NR2F2: variants seen among roughly 807,000 people sequenced by gnomAD.
NR2F2 encodes the protein nuclear receptor subfamily 2 group F member 2.
In NR2F2, 2 loss-of-function variants were observed where a neutral mutation model predicts 34.8. The ratio of observed to expected loss-of-function variants is 0.06; its 90% CI spans 0.02 to 0.18. The LOEUF (loss-of-function observed/expected upper bound fraction) is 0.18, where lower values mean the gene tolerates loss of function less well. NR2F2 is among the 10% of genes least tolerant of loss of function. The pLI is 1.00. For synonymous variants in NR2F2, 274 were observed against 251.8 expected, an observed-to-expected ratio of 1.09 and a Z score of -0.84; for missense variants, 300 against 580.1, an observed-to-expected ratio of 0.52 and a Z score of 4.96.
At position 96,331,141 on chromosome 15, in the gene NR2F2, G is replaced by T; in HGVS notation, c.-965G>T. The T allele has an allele frequency of 9.2e-7, 1 of 1,083,044 alleles. No homozygotes were observed. The highest frequency in any genetic ancestry group is 4.7e-5 in the East Asian group (1 of 21,364). 67.1% of individuals were successfully genotyped at this position (1,083,044 alleles called of 1,614,324 possible). A position where few individuals can be genotyped will look rare whatever the true frequency, so the allele number is the denominator to read the frequency against. ...GCGGCGCTAGACGCAGCGGCTCCGGGCCCGACCCGGCGGCTTCGGCGGCGG... is the reference window on the plus strand; with the variant it reads ...GCGGCGCTAGACGCAGCGGCTCCGGTCCCGACCCGGCGGCTTCGGCGGCGG... On this transcript the variant is annotated 5_prime_UTR_variant, in exon 1 of 3. Coordinates refer to ENST00000394166, the MANE Select transcript of NR2F2 (RefSeq NM_021005.4).
chr15:96,337,666 C>T lies in NR2F2; in HGVS notation c.*44C>T, dbSNP rs1211437779. On this transcript the variant is annotated 3_prime_UTR_variant, in exon 3 of 3. Coordinates refer to ENST00000394166, the MANE Select transcript of NR2F2 (RefSeq NM_021005.4). Reference sequence around the variant, plus strand: ...GGGAGTGAAACAGAGAAAGAAAAGGCAAAAGACTGGTTTGTTTGCTTAATT... The same window carrying T: ...GGGAGTGAAACAGAGAAAGAAAAGGTAAAAGACTGGTTTGTTTGCTTAATT... The T allele has an allele frequency of 1.9e-6, 3 of 1,564,294 alleles. No individual in the cohort carries two copies. The highest frequency in any genetic ancestry group is 1.8e-5 in the Admixed American group (1 of 55,584).
Position 96,334,515 on chromosome 15 carries a change from C to T in NR2F2, c.882C>T (p.Ile294=), listed in dbSNP as rs1163679972. 2.8e-5 allele frequency: 45 copies of T among 1,613,788 alleles called. No homozygotes were observed. The highest frequency in any genetic ancestry group is 3.7e-5 in the Non-Finnish European group (44 of 1,180,032). The change falls in exon 2 of 3, where the codon ATC becomes ATT. Residue 294 remains isoleucine, a synonymous_variant. Coordinates refer to ENST00000394166, the MANE Select transcript of NR2F2 (RefSeq NM_021005.4). ...TCGCCTTTATGGACCACATACGGAT[C>T]TTCCAAGAGCAAGTGGAGAAGCTCA... is the stretch of plus-strand genomic sequence containing the variant. ...RVVAFMDHIR[I]FQEQVEKLKA...
At chr15:96,329,659 T>C (rs927223292), upstream of NR2F2, among the ~76,000 whole-genome samples, 2 of 152,150 alleles carry the variant, frequency 1.3e-5, no homozygotes, top group African/African-American at 4.8e-5. Flanking sequence ...CGCTTACATG[T>C]GTGTACAGAG....
At position 96,334,182 on chromosome 15, in the gene NR2F2, C is replaced by T; in HGVS notation, c.549C>T (p.Ser183=). The change falls in exon 2 of 3, where the codon TCC becomes TCT. Residue 183 remains serine (S), a synonymous_variant. Coordinates refer to ENST00000394166, the MANE Select transcript of NR2F2 (RefSeq NM_021005.4). The part of the protein sequence containing the change: ...NCHSYLSGYI[S]LLLRAEPYPT... ...ACTCGTACCTGTCCGGATATATTTC[C>T]CTGCTGTTGCGCGCGGAGCCCTATC... The T allele has an allele frequency of 1.9e-6, 3 of 1,614,208 alleles. No individual in the cohort carries two copies. Among genetic ancestry groups the T allele is most frequent in the Non-Finnish European group, 2.5e-6 (3 of 1,180,050 alleles).
At chr15:96,336,615 T>C (rs1899334769) in intron 2 of NR2F2, among the ~76,000 whole-genome samples, 1 of 148,548 alleles carries the variant, frequency 6.7e-6, no homozygotes, top group Non-Finnish European at 1.5e-5. Context: ...AGTGTTTTCC[T>C]GAAGATAACA....
Position 96,331,574 on chromosome 15 carries a change from TTCC to T in NR2F2, c.-507_-505del, listed in dbSNP as rs75102826. The stretch of plus-strand genomic sequence containing the variant: ...CCTCCTCCTTCACCACCACCTCCTC[TTCC>T]TCCTCCTCCTCCTCCTCCTCCTCCG... On this transcript the variant is annotated 5_prime_UTR_variant, in exon 1 of 3. Transcript: ENST00000394166. The T allele has an allele frequency of 0.011, 12,446 of 1,159,318 alleles. 31 individuals carry two copies. The highest frequency in any genetic ancestry group is 0.015 in the African/African-American group (925 of 61,910). The allele number at this position is 1,159,318 out of a possible 1,614,324, so 71.8% of individuals were successfully genotyped here.
Position 96,331,517 on chromosome 15 carries a change from G to A in NR2F2, c.-589G>A. ...CTGACTGTGGGCTGCCCTGGACTTG[G>A]CCCCCGGACAGTCGCCTCTCCTCCT... On this transcript the variant is annotated 5_prime_UTR_variant, in exon 1 of 3. The change creates a premature stop within an existing upstream ORF in the 5' untranslated region. Transcript: ENST00000394166. 2.4e-6 allele frequency: 3 copies of A among 1,230,258 alleles called. No individual in the cohort carries two copies. The highest frequency in any genetic ancestry group is 3.0e-6 in the Non-Finnish European group (3 of 987,412). The allele number at this position is 1,230,258 out of a possible 1,614,324, so 76.2% of individuals were successfully genotyped here.
intron 1 of NR2F2, 25 bp downstream of exon 1, chr15:96,332,572 C>T: frequency 6.2e-7 from 1 of 1,600,410 alleles, no homozygotes; most frequent in Non-Finnish European, 8.6e-7. Context: ...TTTCTCCTTC[C>T]CTCGTCCTGG....
rs993363873 is a variant in NR2F2 at position 96,338,330 on chromosome 15, C to G, written c.*708C>G. The stretch of plus-strand genomic sequence containing the variant: ...CTTAACTTCCCCTACCCTGCCCCTC[C>G]CCAAAAGAAACCATGACAAACCTAG... On this transcript the variant is annotated 3_prime_UTR_variant, in exon 3 of 3. Transcript: ENST00000394166. 1.3e-5 allele frequency: 2 copies of G among 152,510 alleles called. No individual in the cohort carries two copies. The highest frequency in any genetic ancestry group is 4.8e-5 in the African/African-American group (2 of 41,408). 9.4% of individuals were successfully genotyped at this position (152,510 alleles called of 1,614,324 possible).
chr15:96,340,204 T>C lies in NR2F2; in HGVS notation c.*2582T>C, dbSNP rs1363081252. The C allele has an allele frequency of 6.6e-6, 1 of 152,194 alleles. No individual in the cohort carries two copies. The highest frequency in any genetic ancestry group is 1.5e-5 in the Non-Finnish European group (1 of 68,030). 9.4% of individuals were successfully genotyped at this position (152,194 alleles called of 1,614,324 possible). A position where few individuals can be genotyped will look rare whatever the true frequency, so the allele number is the denominator to read the frequency against. On this transcript the variant is annotated 3_prime_UTR_variant, in exon 3 of 3. Transcript: ENST00000394166. ...TGTGTTAGTTTATTGTAAACAGCCATTTGTTGTAAATTATTATTGGCATTA... is the reference window on the plus strand; with the variant it reads ...TGTGTTAGTTTATTGTAAACAGCCACTTGTTGTAAATTATTATTGGCATTA...
In NR2F2 at chr15:96,332,085, C is replaced by G; in HGVS notation, c.-21C>G. On this transcript the variant is annotated 5_prime_UTR_variant, in exon 1 of 3. Coordinates refer to ENST00000394166, the MANE Select transcript of NR2F2 (RefSeq NM_021005.4). ...GCCCGCAGCCAGGGGAGCAGGAAGT[C>G]CGGACGCAGCCCCCATAGATATGGC... 1 of 1,295,010 alleles carries G rather than the reference C, an allele frequency of 7.7e-7. No homozygotes were observed. Among genetic ancestry groups the G allele is most frequent in the Non-Finnish European group, 9.8e-7 (1 of 1,020,672 alleles). The allele number at this position is 1,295,010 out of a possible 1,614,324, so 80.2% of individuals were successfully genotyped here.
In NR2F2 at chr15:96,331,058, A is replaced by G. The variant is rs144509426; in HGVS notation, c.-1048A>G. On this transcript the variant is annotated 5_prime_UTR_variant, in exon 1 of 3. Coordinates refer to ENST00000394166, the MANE Select transcript of NR2F2 (RefSeq NM_021005.4). The stretch of plus-strand genomic sequence containing the variant: ...ATGTGTGTGAGGCGGCGGCGGCAGC[A>G]GCAGCAGCAGCGGCTCCGGCGGCGG... 48,397 of 1,239,272 alleles carry G rather than the reference A, an allele frequency of 0.039. 1,068 individuals carry two copies. The highest frequency in any genetic ancestry group is 0.043 in the Non-Finnish European group (42,837 of 995,968). The allele number at this position is 1,239,272 out of a possible 1,614,324, so 76.8% of individuals were successfully genotyped here.
rs1007192258 is a variant in NR2F2 at position 96,338,412 on chromosome 15, G to C, written c.*790G>C. ...ACTGTGGAATTTATTGGCAGCCAAG[G>C]AATGTGTCCAAGACACATGCTGAGG... is the stretch of plus-strand genomic sequence containing the variant. On this transcript the variant is annotated 3_prime_UTR_variant, in exon 3 of 3. Coordinates refer to ENST00000394166, the MANE Select transcript of NR2F2 (RefSeq NM_021005.4). 1 of 152,610 alleles carries C rather than the reference G, an allele frequency of 6.6e-6. No homozygotes were observed. Among genetic ancestry groups the C allele is most frequent in the Non-Finnish European group, 1.5e-5 (1 of 68,038 alleles). 9.5% of individuals were successfully genotyped at this position (152,610 alleles called of 1,614,324 possible).
At chr15:96,336,907 C>G (rs1252825217) in intron 2 of NR2F2, among the ~76,000 whole-genome samples, 1 of 151,962 alleles carries the variant, frequency 6.6e-6, no homozygotes, top group Non-Finnish European at 1.5e-5. Flanking sequence ...GTTGTCCACC[C>G]CCAACCCCCA....
intron 1 of NR2F2, chr15:96,333,550 T>C (rs1899221150): frequency 3.0e-6 from 3 of 1,011,424 alleles, no homozygotes; most frequent in Non-Finnish European, 3.6e-6. Flanking sequence ...CGCTCTCTGC[T>C]TGTCTCTCAC....
upstream of NR2F2, among the ~76,000 whole-genome samples, chr15:96,327,847 T>G (rs1899033490): frequency 6.6e-6 from 1 of 152,218 alleles, no homozygotes; most frequent in African/African-American, 2.4e-5. Flanking sequence ...TTCTTTTCTT[T>G]TTTAGATTAG....
chr15:96,334,552 G>A lies in NR2F2; in HGVS notation c.919G>A (p.Val307Ile), dbSNP rs376446626. ...EQVEKLKALH[V>I]DSAEYSCLKA... is the part of the protein sequence containing the mutation. ...AGTGGAGAAGCTCAAGGCGCTGCAC[G>A]TTGACTCAGCCGAGTACAGCTGCCT... The change falls in exon 2 of 3, where the codon GTT becomes ATT. Residue 307 changes from valine to isoleucine, a missense_variant. Around this residue, in one of 6 missense-constraint regions of NR2F2, gnomAD observed 164 missense variants for 365.3 expected, o/e 0.45. Coordinates refer to ENST00000394166, the MANE Select transcript of NR2F2 (RefSeq NM_021005.4). 16 of 1,612,890 alleles carry A rather than the reference G, an allele frequency of 9.9e-6. No homozygotes were observed. The highest frequency in any genetic ancestry group is 1.4e-5 in the Non-Finnish European group (16 of 1,179,774).
Position 96,331,877 on chromosome 15 carries a change from G to T in NR2F2, c.-229G>T, listed in dbSNP as rs573904102. 1 of 1,206,536 alleles carries T rather than the reference G, an allele frequency of 8.3e-7. No homozygotes were observed. Among genetic ancestry groups the T allele is most frequent in the East Asian group, 3.4e-5 (1 of 29,288 alleles). 74.7% of individuals were successfully genotyped at this position (1,206,536 alleles called of 1,614,324 possible). A position where few individuals can be genotyped will look rare whatever the true frequency, so the allele number is the denominator to read the frequency against. ...AGAAACAAACAAAACAAACACACCG[G>T]GCCAGACAAGCCATCGACAAAACTT... On this transcript the variant is annotated 5_prime_UTR_variant, in exon 1 of 3. Coordinates refer to ENST00000394166, the MANE Select transcript of NR2F2 (RefSeq NM_021005.4).
upstream of NR2F2, chr15:96,327,013 C>G (rs1899009828): frequency 6.6e-6 from 1 of 152,444 alleles, no homozygotes; most frequent in African/African-American, 2.4e-5. Context: ...TACCTTTTTG[C>G]TGTCTATTGC....
Sources: gnomAD v4.1 joint callset for allele counts (sites outside exome capture counted in the v4.1 genomes callset) on GRCh38, gnomAD v4.1.1 for gene constraint, gnomAD v4.1.1 regional missense constraint, MANE v1.5 for transcripts, NCBI Gene and HGNC (gene_info 2026-07-23, HGNC 2026-07-21) for gene names.